The following PRDM5 variants were observed in gnomAD, a reference collection of about 807,000 sequenced individuals.
PRDM5 encodes PR domain zinc finger protein 5.
PRDM5 carries 56 observed loss-of-function variants against 81.2 expected under a neutral mutation model. The ratio of observed to expected loss-of-function variants is 0.69; its 90% confidence interval spans 0.56 to 0.86. PRDM5 has a LOEUF of 0.86. Among genes scored for constraint, PRDM5 ranks in the 40% least tolerant of loss-of-function variants. The pLI, the probability that PRDM5 is intolerant of heterozygous loss-of-function variation, is 0.00. For missense variants in PRDM5, 697 were observed against 770.1 expected (o/e 0.91, Z 1.12); for synonymous variants, 267 against 256.4 (o/e 1.04, Z -0.39).
rs1045226173 is a variant in PRDM5 at position 120,754,476 on chromosome 4, T to G, written c.1623+77A>C. 3.0e-6 allele frequency: 3 copies of G among 997,320 alleles called. No homozygotes were observed. The African/African-American group carries it at 4.9e-5, about 16-fold the overall frequency. 61.8% of individuals were successfully genotyped at this position (997,320 alleles called of 1,614,324 possible). On this transcript the variant is annotated intron_variant, in intron 14 of 15. Coordinates refer to ENST00000264808, the MANE Select transcript of PRDM5 (RefSeq NM_018699.4). ...CCAGTGTATTGCCTTTATTTTGTAATATAAAGTTAAATATATTTCTTTTAA... is the reference window on the plus strand; with the variant it reads ...CCAGTGTATTGCCTTTATTTTGTAAGATAAAGTTAAATATATTTCTTTTAA...
intron 13 of PRDM5, among the ~76,000 whole-genome samples, chr4:120,765,742 T>C (rs1746281540): frequency 6.6e-6 from 1 of 152,154 alleles, no homozygotes. Context: ...CTAAAGTTTA[T>C]GAAAAGATAA....
chr4:120,904,916 T>A (rs1259220148), intron 2 of PRDM5, among the ~76,000 whole-genome samples: 1 of 152,160 alleles, frequency 6.6e-6, no homozygotes, highest in Non-Finnish European at 1.5e-5. Flanking sequence ...ATAACATTTT[T>A]AAAAAAGAAA....
rs112780177 is a variant in PRDM5 at position 120,862,571 on chromosome 4, C to G, written c.178-9031G>C. Among the ~76,000 whole-genome samples the G allele has an allele frequency of 1.4e-3, 209 of 152,242 alleles. 5 individuals carry two copies. In the South Asian group the frequency reaches 0.021, roughly 16 times the overall value. On this transcript the variant is annotated intron_variant, in intron 2 of 15. Transcript: ENST00000264808. ...ATAAACCTAGCAGGCCTGAGACTGCCAAAAAGTCCTGCCTGTAAGTTTGGC... is the reference window on the plus strand; with the variant it reads ...ATAAACCTAGCAGGCCTGAGACTGCGAAAAAGTCCTGCCTGTAAGTTTGGC...
At chr4:120,780,409 A>C (rs1160601316) in intron 12 of PRDM5, among the ~76,000 whole-genome samples, 1 of 151,810 alleles carries the variant, frequency 6.6e-6, no homozygotes, top group African/African-American at 2.4e-5. Flanking sequence ...ACACCACTGC[A>C]CTACAGCCTG....
intron 14 of PRDM5, among the ~76,000 whole-genome samples, chr4:120,732,932 G>T (rs1740477187): frequency 6.6e-6 from 1 of 152,146 alleles, no homozygotes; most frequent in Non-Finnish European, 1.5e-5. Context: ...CTCAAAATAG[G>T]TCACAAATAA....
intron 11 of PRDM5, among the ~76,000 whole-genome samples, 161 bp downstream of exon 11, chr4:120,784,836 CG>C (rs1474215122): frequency 6.6e-6 from 1 of 151,158 alleles, no homozygotes; most frequent in Non-Finnish European, 1.5e-5. Flanking sequence ...AAATATAAAG[CG>C]AAAAAAAGTG....
chr4:120,687,417 C>G (rs1233416912), downstream of PRDM5, among the ~76,000 whole-genome samples: 1 of 152,098 alleles, frequency 6.6e-6, no homozygotes, highest in Non-Finnish European at 1.5e-5. Flanking sequence ...TTTCATTTAG[C>G]ATAATGTCCT....
At chr4:120,747,056 T>A (rs1192488248) in intron 14 of PRDM5, among the ~76,000 whole-genome samples, 1 of 144,146 alleles carries the variant, frequency 6.9e-6, no homozygotes, top group Non-Finnish European at 1.5e-5. Flanking sequence ...AATGATAGAT[T>A]GGATTAAGAA....
intron 2 of PRDM5, among the ~76,000 whole-genome samples, chr4:120,903,207 A>G (rs2148665439): frequency 6.6e-6 from 1 of 152,310 alleles, no homozygotes; most frequent in East Asian, 1.9e-4. Flanking sequence ...GGTTAGCACC[A>G]TAGATATGGG....
intron 2 of PRDM5, among the ~76,000 whole-genome samples, chr4:120,871,777 A>C (rs1053215747): frequency 6.6e-6 from 1 of 151,946 alleles, no homozygotes; most frequent in Admixed American, 6.6e-5. Context: ...AAAAAAAAAA[A>C]AAAGAAAGAA....
chr4:120,794,395 T>A (rs1751033524), intron 10 of PRDM5, among the ~76,000 whole-genome samples: 1 of 152,122 alleles, frequency 6.6e-6, no homozygotes, highest in Non-Finnish European at 1.5e-5. Context: ...CCATGATATT[T>A]TTAGAAACTT....
At chr4:120,878,850 C>T (rs77402162) in intron 2 of PRDM5, among the ~76,000 whole-genome samples, 9,469 of 152,238 alleles carry the variant, frequency 0.062, 382 homozygotes, top group East Asian at 0.15. Flanking sequence ...CACTACACAT[C>T]CATTAGAATG....
At chr4:120,741,178 T>A (rs1741879570) in intron 14 of PRDM5, among the ~76,000 whole-genome samples, 1 of 152,118 alleles carries the variant, frequency 6.6e-6, no homozygotes, top group African/African-American at 2.4e-5. Flanking sequence ...TTCTCACCCT[T>A]AAAAGACTCC....
At chr4:120,878,212 G>A (rs2148570290) in intron 2 of PRDM5, among the ~76,000 whole-genome samples, 3 of 152,094 alleles carry the variant, frequency 2.0e-5, no homozygotes, top group Middle Eastern at 6.8e-3. Flanking sequence ...CAAACTTGTT[G>A]AACTTACCTC....
intron 9 of PRDM5, among the ~76,000 whole-genome samples, chr4:120,798,797 C>T (rs949726593): frequency 6.6e-6 from 1 of 152,162 alleles, no homozygotes; most frequent in Admixed American, 6.5e-5. Context: ...AGCTGCCTTC[C>T]CCCAGGGCCA....
intron 1 of PRDM5, among the ~76,000 whole-genome samples, chr4:120,922,235 G>T (rs1725037272): frequency 6.6e-6 from 1 of 152,158 alleles, no homozygotes; most frequent in Non-Finnish European, 1.5e-5. Flanking sequence ...AAGACATCTT[G>T]CGGCAGGGAG....
At chr4:120,894,904 C>T (rs536278899) in intron 2 of PRDM5, among the ~76,000 whole-genome samples, 7 of 152,312 alleles carry the variant, frequency 4.6e-5, no homozygotes, top group Non-Finnish European at 4.4e-5. Context: ...CCAAAATACC[C>T]ACTTAAAGCC....
intron 14 of PRDM5, among the ~76,000 whole-genome samples, chr4:120,723,752 A>T (rs1424669928): frequency 1.3e-5 from 2 of 152,072 alleles, no homozygotes; most frequent in Non-Finnish European, 2.9e-5. Context: ...TTGAGTTTCA[A>T]ATAACATTCA....
rs148138528 is a variant in PRDM5 at position 120,853,003 on chromosome 4, C to T, written c.300+415G>A. 7.2e-5 allele frequency among the ~76,000 whole-genome samples: 11 copies of T among 152,166 alleles called. No homozygotes were observed. The East Asian group carries it at 1.9e-3, about 27-fold the overall frequency. ...TGACTAACACACCACCTCCGACAAG[C>T]TCAAAGCCTGGTCACAGGGAATATC... On this transcript the variant is annotated intron_variant, in intron 3 of 15. Coordinates refer to ENST00000264808, the MANE Select transcript of PRDM5 (RefSeq NM_018699.4).
Sources: gnomAD v4.1 joint callset for allele counts (sites outside exome capture counted in the v4.1 genomes callset) on GRCh38, gnomAD v4.1.1 for gene constraint, MANE v1.5 for transcripts, NCBI Gene and HGNC (gene_info 2026-07-23, HGNC 2026-07-21) for gene names.